The following TMEM117 variants were observed in gnomAD, a reference collection of about 807,000 sequenced individuals.
The protein encoded by TMEM117 is transmembrane protein 117.
Under a neutral mutation model 52.4 loss-of-function variants are expected in TMEM117, and 27 were observed. That is an observed-to-expected ratio of 0.51 (90% CI 0.38 to 0.71). TMEM117 has a LOEUF of 0.71. TMEM117 is among the 30% of genes least tolerant of loss of function. The pLI, the probability that TMEM117 is intolerant of heterozygous loss-of-function variation, is 0.00. For missense variants in TMEM117, 556 were observed against 630.5 expected, an observed-to-expected ratio of 0.88 and a Z score of 1.26; for synonymous variants, 215 against 206.3, an observed-to-expected ratio of 1.04 and a Z score of -0.36.
At chr12:43,821,612 A>G in the TMEM117 span, among the ~76,000 whole-genome samples, 1 of 152,166 alleles carries the variant, frequency 6.6e-6, no homozygotes, top group East Asian at 1.9e-4. Flanking sequence ...TATTAATTTC[A>G]TATTCCCCAA....
At chr12:44,289,246 TGTGTG>T in intron 5 of TMEM117, among the ~76,000 whole-genome samples, 1 of 138,584 alleles carries the variant, frequency 7.2e-6, no homozygotes, top group East Asian at 1.9e-4. Flanking sequence ...TGTGTGTGTG[TGTGTG>T]TGTGTGTGTG....
At chr12:43,963,941 A>ATCTCAG (rs1228366915) in intron 3 of TMEM117, among the ~76,000 whole-genome samples, 2 of 152,206 alleles carry the variant, frequency 1.3e-5, no homozygotes, top group African/African-American at 4.8e-5. Flanking sequence ...TTAGGAGAGT[A>ATCTCAG]AACAGGAGAC....
intron 4 of TMEM117, among the ~76,000 whole-genome samples, chr12:44,178,733 T>A (rs1016064674): frequency 1.1e-5 from 1 of 90,298 alleles, no homozygotes; most frequent in Non-Finnish European, 1.8e-5. Context: ...ACATTATGGG[T>A]TTTTTCCCCC....
intron 4 of TMEM117, among the ~76,000 whole-genome samples, chr12:44,148,371 GAAAT>G (rs528096445): frequency 3.3e-5 from 5 of 152,144 alleles, no homozygotes; most frequent in Non-Finnish European, 7.4e-5. Flanking sequence ...AATATAGTAA[GAAAT>G]AAGTTGTAAT....
chr12:44,248,830 G>A (rs545859692), intron 5 of TMEM117: 158 of 163,104 alleles, frequency 9.7e-4, no homozygotes, highest in Admixed American at 1.9e-3. Flanking sequence ...TTTTCTGGGG[G>A]TTTTCCAAAT....
At chr12:44,140,586 T>A (rs1555205628) in intron 3 of TMEM117, among the ~76,000 whole-genome samples, 1 of 152,128 alleles carries the variant, frequency 6.6e-6, no homozygotes, top group Non-Finnish European at 1.5e-5. Flanking sequence ...ATATTATGTA[T>A]AAAAGTGTGT....
intron 6 of TMEM117, among the ~76,000 whole-genome samples, chr12:44,332,714 C>A (rs1565724978): frequency 1.0e-5 from 1 of 100,196 alleles, no homozygotes; most frequent in Non-Finnish European, 1.9e-5. Context: ...ACTGTTACTA[C>A]ACACACACAC....
intron 3 of TMEM117, among the ~76,000 whole-genome samples, chr12:43,989,535 G>A (rs1327712526): frequency 6.6e-6 from 1 of 151,926 alleles, no homozygotes; most frequent in South Asian, 2.1e-4. Context: ...GTTGATATCT[G>A]TGAAAGCAGA....
the TMEM117 span, among the ~76,000 whole-genome samples, chr12:43,820,312 C>A: frequency 1.3e-4 from 20 of 151,910 alleles, no homozygotes; most frequent in African/African-American, 4.8e-4. Flanking sequence ...CTCGCTCTGT[C>A]GCCCACGCTG....
At chr12:43,881,529 C>A (rs1470209076) in intron 2 of TMEM117, among the ~76,000 whole-genome samples, 1 of 152,140 alleles carries the variant, frequency 6.6e-6, no homozygotes, top group Non-Finnish European at 1.5e-5. Context: ...GAAGCTCATG[C>A]CTGTAATCCC....
At chr12:43,939,970 C>A (rs1361562355) in intron 2 of TMEM117, among the ~76,000 whole-genome samples, 3 of 152,322 alleles carry the variant, frequency 2.0e-5, no homozygotes, top group Middle Eastern at 3.4e-3. Flanking sequence ...CGTCAGCTCT[C>A]ATGAGACTTA....
chr12:44,364,827 T>G (rs908538273), intron 6 of TMEM117, among the ~76,000 whole-genome samples: 1 of 152,134 alleles, frequency 6.6e-6, no homozygotes, highest in African/African-American at 2.4e-5. Flanking sequence ...TTTAATGATA[T>G]GCACAGCCGC....
At chr12:44,304,216 G>A (rs896935776) in intron 6 of TMEM117, among the ~76,000 whole-genome samples, 5 of 152,310 alleles carry the variant, frequency 3.3e-5, no homozygotes, top group Admixed American at 3.3e-4. Context: ...GTGACTATGG[G>A]ACTTTGCATT....
chr12:43,917,755 A>G (rs1037774983), intron 2 of TMEM117, among the ~76,000 whole-genome samples: 7 of 152,068 alleles, frequency 4.6e-5, no homozygotes, highest in Non-Finnish European at 7.4e-5. Context: ...AAAGATTTTT[A>G]TCAAGCAAAA....
At chr12:44,126,190 A>C (rs137986985) in intron 3 of TMEM117, among the ~76,000 whole-genome samples, 1 of 152,088 alleles carries the variant, frequency 6.6e-6, no homozygotes, top group African/African-American at 2.4e-5. Context: ...GGTTGATTTC[A>C]TGTCTTTGCT....
At chr12:44,007,671 A>G (rs1592434958) in intron 3 of TMEM117, among the ~76,000 whole-genome samples, 1 of 152,094 alleles carries the variant, frequency 6.6e-6, no homozygotes, top group Non-Finnish European at 1.5e-5. Context: ...TGTAACTCCT[A>G]CAATTCCCAT....
intron 3 of TMEM117, among the ~76,000 whole-genome samples, chr12:44,121,588 A>G (rs1948235510): frequency 6.6e-6 from 1 of 152,234 alleles, no homozygotes; most frequent in Non-Finnish European, 1.5e-5. Flanking sequence ...TGTAATACAT[A>G]TAACAGGTTA....
At chr12:43,802,300 G>A in the TMEM117 span, 1 of 1,550,942 alleles carries the variant, frequency 6.4e-7, no homozygotes, top group Non-Finnish European at 8.7e-7. Flanking sequence ...GAATGATCTG[G>A]AGACCATGCA....
At chr12:44,398,033 C>T in the TMEM117 span, among the ~76,000 whole-genome samples, 286 of 151,726 alleles carry the variant, frequency 1.9e-3, 6 homozygotes, top group East Asian at 0.044. Flanking sequence ...GCCCCATACC[C>T]TGTTGTCCTT....
Sources: allele counts gnomAD v4.1 joint callset (sites outside exome capture counted in the v4.1 genomes callset), GRCh38; gene constraint gnomAD v4.1.1; transcripts MANE v1.5; gene names NCBI Gene and HGNC (gene_info 2026-07-23, HGNC 2026-07-21).